MRAP2: variants seen among roughly 807,000 people sequenced by gnomAD.
MRAP2 encodes melanocortin-2 receptor accessory protein 2.
MRAP2 carries 20 observed loss-of-function variants against 17.4 expected under a neutral mutation model. The ratio of observed to expected loss-of-function variants is 1.15; its 90% CI spans 0.81 to 1.67. MRAP2 has a LOEUF of 1.67. MRAP2 is among the 40% of genes most tolerant of loss of function. MRAP2 has a pLI of 0.00. For synonymous variants in MRAP2, 96 were observed against 88.4 expected (o/e 1.09, Z -0.48); for missense variants, 238 against 240.0 (o/e 0.99, Z 0.05).
intron 3 of MRAP2, among the ~76,000 whole-genome samples, chr6:84,075,125 G>A (rs542388114): frequency 2.0e-4 from 30 of 152,274 alleles, no homozygotes; most frequent in African/African-American, 6.5e-4. Context: ...CCCACCACGC[G>A]GCCTCCTAGG....
At chr6:84,129,005 T>G in the MRAP2 span, among the ~76,000 whole-genome samples, 1 of 152,190 alleles carries the variant, frequency 6.6e-6, no homozygotes, top group African/African-American at 2.4e-5. Flanking sequence ...TCCATGTTCC[T>G]GCAAAGGACA....
At chr6:84,133,204 C>G in the MRAP2 span, among the ~76,000 whole-genome samples, 1 of 152,146 alleles carries the variant, frequency 6.6e-6, no homozygotes, top group African/African-American at 2.4e-5. Context: ...ATGTTGCTGC[C>G]TGATCCTTCC....
intron 1 of MRAP2, among the ~76,000 whole-genome samples, chr6:84,050,422 G>T (rs2099490136): frequency 6.6e-6 from 1 of 152,188 alleles, no homozygotes; most frequent in African/African-American, 2.4e-5. Context: ...AGCTGGCTCA[G>T]AGTGTGATTC....
At chr6:84,105,623 C>A in the MRAP2 span, among the ~76,000 whole-genome samples, 1 of 152,132 alleles carries the variant, frequency 6.6e-6, no homozygotes, top group East Asian at 1.9e-4. Flanking sequence ...CTAAGAGACA[C>A]CCTAAGGGAT....
chr6:84,033,733 G>T (rs2099485141), upstream of MRAP2: 7 of 985,310 alleles, frequency 7.1e-6, no homozygotes, highest in Non-Finnish European at 8.4e-6. Flanking sequence ...GCTGCGGGTC[G>T]GGAGCGCGCG....
chr6:84,136,552 G>C, the MRAP2 span, among the ~76,000 whole-genome samples: 1 of 152,152 alleles, frequency 6.6e-6, no homozygotes, highest in African/African-American at 2.4e-5. Context: ...CTGAAGCAAA[G>C]GCAGTTAGTG....
intron 3 of MRAP2, among the ~76,000 whole-genome samples, chr6:84,078,373 G>GT (rs1401927101): frequency 6.6e-6 from 1 of 152,162 alleles, no homozygotes; most frequent in Admixed American, 6.5e-5. Flanking sequence ...AATAAGCACA[G>GT]TAAGAGATGC....
the MRAP2 span, among the ~76,000 whole-genome samples, chr6:84,145,128 T>C: frequency 6.6e-6 from 1 of 152,104 alleles, no homozygotes; most frequent in Non-Finnish European, 1.5e-5. Flanking sequence ...ACTGGCTTGG[T>C]ACCTTACATA....
chr6:84,062,593 G>A, intron 2 of MRAP2: 1 of 985,414 alleles, frequency 1.0e-6, no homozygotes, highest in Middle Eastern at 5.2e-4. Flanking sequence ...CACATTAGTG[G>A]AATCTTGAGG....
intron 3 of MRAP2, among the ~76,000 whole-genome samples, chr6:84,078,987 C>G (rs1192502815): frequency 3.3e-5 from 5 of 152,200 alleles, no homozygotes; most frequent in Non-Finnish European, 7.3e-5. Flanking sequence ...GGTACAACTA[C>G]TTTGGAAAAC....
downstream of MRAP2, among the ~76,000 whole-genome samples, chr6:84,092,865 G>A (rs565614457): frequency 1.3e-3 from 202 of 152,222 alleles, no homozygotes; most frequent in African/African-American, 4.5e-3. Flanking sequence ...AGGATCAACC[G>A]TATTCCCATT....
At chr6:84,092,447 C>A (rs1362324835), downstream of MRAP2, among the ~76,000 whole-genome samples, 1 of 152,172 alleles carries the variant, frequency 6.6e-6, no homozygotes, top group Admixed American at 6.5e-5. Flanking sequence ...TTACCTAAAT[C>A]TTATCAGCTT....
chr6:84,040,044 C>T (rs149326076), intron 1 of MRAP2, among the ~76,000 whole-genome samples: 77 of 152,280 alleles, frequency 5.1e-4, no homozygotes, highest in Non-Finnish European at 8.5e-4. Context: ...GCTGTGTCCC[C>T]GCCTAAATCT....
At chr6:84,041,395 TCA>T in intron 1 of MRAP2, among the ~76,000 whole-genome samples, 1 of 152,340 alleles carries the variant, frequency 6.6e-6, no homozygotes, top group South Asian at 2.1e-4. Flanking sequence ...GTCAGAGCCC[TCA>T]CACACAGTCT....
the MRAP2 span, among the ~76,000 whole-genome samples, chr6:84,143,027 T>C: frequency 3.1e-4 from 47 of 152,218 alleles, no homozygotes; most frequent in Middle Eastern, 3.4e-3. Context: ...AAGTCTTCAA[T>C]AATTACTATG....
the MRAP2 span, chr6:84,126,457 A>C: frequency 8.8e-6 from 14 of 1,584,332 alleles, 1 homozygote; most frequent in South Asian, 1.5e-4. Flanking sequence ...GAAATGTTTC[A>C]TCTCTGGTGT....
intron 3 of MRAP2, among the ~76,000 whole-genome samples, chr6:84,080,680 G>A (rs537449906): frequency 1.3e-5 from 2 of 152,240 alleles, no homozygotes; most frequent in Admixed American, 1.3e-4. Context: ...TCAAAGTGCT[G>A]GTCCAGCATT....
intron 1 of MRAP2, chr6:84,052,755 A>G (rs957628863): frequency 1.0e-6 from 1 of 980,262 alleles, no homozygotes; most frequent in Non-Finnish European, 1.2e-6. Context: ...GTCACATTTC[A>G]TTCTGCAGAA....
At chr6:84,117,451 C>T in the MRAP2 span, among the ~76,000 whole-genome samples, 3 of 151,820 alleles carry the variant, frequency 2.0e-5, no homozygotes, top group African/African-American at 7.3e-5. Context: ...CAGAATAGTA[C>T]CATCTCTTCT....
Sources: gnomAD v4.1 joint callset for allele counts (sites outside exome capture counted in the v4.1 genomes callset) on GRCh38, gnomAD v4.1.1 for gene constraint, MANE v1.5 for transcripts, NCBI Gene and HGNC (gene_info 2026-07-23, HGNC 2026-07-21) for gene names.